Variants in DCBLD1 observed in about 807,000 individuals in gnomAD.
DCBLD1 encodes discoidin, CUB and LCCL domain-containing protein 1.
Under a neutral mutation model 71.5 loss-of-function variants are expected in DCBLD1, and 57 were observed. That is an observed-to-expected ratio of 0.80 (90% CI 0.64 to 0.99). The LOEUF is 0.99. Ranked by LOEUF, DCBLD1 falls within the 50% of genes least tolerant of loss-of-function variation. DCBLD1 has a pLI of 0.00. For synonymous variants in DCBLD1, 380 were observed against 363.8 expected (o/e 1.04, Z -0.51); for missense variants, 891 against 923.5 (o/e 0.96, Z 0.46).
At chr6:117,493,019 G>A (rs972288106) in intron 1 of DCBLD1, among the ~76,000 whole-genome samples, 1 of 152,122 alleles carries the variant, frequency 6.6e-6, no homozygotes, top group African/African-American at 2.4e-5. Context: ...GCCTGTCCTA[G>A]ACTTATAAAT....
chr6:117,534,076 C>T (rs1778809511), intron 6 of DCBLD1, among the ~76,000 whole-genome samples: 1 of 152,208 alleles, frequency 6.6e-6, no homozygotes, highest in Non-Finnish European at 1.5e-5. Flanking sequence ...CTCCCATTTA[C>T]TTTCCCCTTC....
At chr6:117,563,240 G>A (rs369960082) in intron 14 of DCBLD1, 4 of 1,609,124 alleles carry the variant, frequency 2.5e-6, no homozygotes, top group African/African-American at 2.7e-5. Flanking sequence ...ATCTTGTCTG[G>A]AGATATGGTC....
chr6:117,569,454 A>C lies in DCBLD1; in HGVS notation c.1616-166A>C, dbSNP rs958052461. On this transcript the variant is annotated intron_variant, in intron 14 of 14. Coordinates refer to the DCBLD1 transcript ENST00000296955. The stretch of plus-strand genomic sequence containing the variant: ...GCTATAAAAGCATTAAATCAAAGGA[A>C]ACAAGAACTATGTGTAAACACTTTA... The C allele has an allele frequency of 3.7e-6, 5 of 1,338,306 alleles. No homozygotes were observed. The African/African-American group carries it at 6.2e-5, about 17-fold the overall frequency. The allele number at this position is 1,338,306 out of a possible 1,614,324, so 82.9% of individuals were successfully genotyped here.
chr6:117,547,887 C>T lies in DCBLD1; in HGVS notation c.1616-20C>T, dbSNP rs1050952824. ...CCCGTGTGTGGTGCCCGCTAGCTGC[C>T]ATCTGTCTTGTGGTTTCAGATTACC... On this transcript the variant is annotated intron_variant, in intron 14 of 14. Transcript: ENST00000338728. 9 of 1,550,296 alleles carry T rather than the reference C, an allele frequency of 5.8e-6. No homozygotes were observed. The highest frequency in any genetic ancestry group is 7.0e-6 in the Non-Finnish European group (8 of 1,146,884).
rs1302876088 is a variant in DCBLD1, at chr6:117,536,691, A to T, written c.720-494A>T. ...CTGTCCCCAGAGTAACACTGCTGAA[A>T]CATCCTCAGTGAGAGTCACGAGATC... On this transcript the variant is annotated intron_variant, in intron 6 of 14. Coordinates refer to ENST00000338728, the MANE Select transcript of DCBLD1 (RefSeq NM_001366458.2). 2.0e-5 allele frequency among the ~76,000 whole-genome samples: 3 copies of T among 152,328 alleles called. No individual in the cohort carries two copies. In the East Asian group the frequency reaches 5.8e-4, roughly 29 times the overall value.
chr6:117,509,379 C>T (rs778200918), intron 2 of DCBLD1, among the ~76,000 whole-genome samples: 8 of 152,146 alleles, frequency 5.3e-5, no homozygotes, highest in Non-Finnish European at 1.2e-4. Context: ...CTACAGTGAG[C>T]CATGTCGTGC....
rs746283845 is a variant in DCBLD1, at chr6:117,540,883, C to G, written c.1250-35C>G. The G allele has an allele frequency of 3.1e-6, 5 of 1,614,076 alleles. No homozygotes were observed. The Admixed American group carries it at 8.3e-5, about 27-fold the overall frequency. ...TATTTTTTTTCGCCTATCATTGTTA[C>G]TCATGTGGTTTTCCCGACATCCCTC... is the stretch of plus-strand genomic sequence containing the variant. On this transcript the variant is annotated intron_variant, in intron 10 of 14. Coordinates refer to ENST00000338728, the MANE Select transcript of DCBLD1 (RefSeq NM_001366458.2).
rs75093843 is a variant in DCBLD1, at chr6:117,510,232, C to T, written c.325+6253C>T. Among the ~76,000 whole-genome samples the T allele has an allele frequency of 2.2e-3, 329 of 152,218 alleles. 6 individuals are homozygous for T. The East Asian group carries it at 0.041, about 19-fold the overall frequency. On this transcript the variant is annotated intron_variant, in intron 2 of 14. Transcript: ENST00000338728. ...CATGCCATTTCCCAAATGCATCATA[C>T]GGTTTCATGGCCTAGTACATTTTTA...
At chr6:117,535,745 CA>C (rs1207527463) in intron 6 of DCBLD1, among the ~76,000 whole-genome samples, 2 of 152,094 alleles carry the variant, frequency 1.3e-5, no homozygotes, top group African/African-American at 4.8e-5. Context: ...AGCCACATTT[CA>C]AATGTAACAG....
chr6:117,543,457 C>G (rs1016192357), intron 12 of DCBLD1, among the ~76,000 whole-genome samples: 1 of 152,108 alleles, frequency 6.6e-6, no homozygotes, highest in African/African-American at 2.4e-5. Flanking sequence ...TGAGATTGCT[C>G]AAACTCCTGG....
At chr6:117,551,268 T>C (rs1011556953), downstream of DCBLD1, among the ~76,000 whole-genome samples, 7 of 152,112 alleles carry the variant, frequency 4.6e-5, no homozygotes, top group African/African-American at 1.7e-4. Context: ...GATCAGCCCT[T>C]TTTTTTGGTT....
intron 14 of DCBLD1, chr6:117,563,068 A>G: frequency 1.8e-6 from 1 of 559,402 alleles, no homozygotes; most frequent in South Asian, 2.3e-5. Context: ...ATAGCTAATT[A>G]TGGTCTACCA....
rs1055466025 is a variant in DCBLD1 at position 117,549,614 on chromosome 6, A to C, written c.*1175A>C. 43 of 985,370 alleles carry C rather than the reference A, an allele frequency of 4.4e-5. No homozygotes were observed. Among genetic ancestry groups the C allele is most frequent in the Non-Finnish European group, 5.1e-5 (42 of 829,926 alleles). 61.0% of individuals were successfully genotyped at this position (985,370 alleles called of 1,614,324 possible). On this transcript the variant is annotated 3_prime_UTR_variant, in exon 15 of 15. Coordinates refer to ENST00000338728, the MANE Select transcript of DCBLD1 (RefSeq NM_001366458.2). Reference sequence around the variant, plus strand: ...GACCAAAAATTTTTTTCCCTGAAGAATGTATTATAACCCTATTTGTGTGGT... The same window carrying C: ...GACCAAAAATTTTTTTCCCTGAAGACTGTATTATAACCCTATTTGTGTGGT...
chr6:117,566,899 C>G (rs768920031), intron 14 of DCBLD1: 1 of 1,603,684 alleles, frequency 6.2e-7, no homozygotes, highest in African/African-American at 1.3e-5. Context: ...CAACTAGCAC[C>G]AGGGTTACCA....
At chr6:117,522,418 C>T (rs1322347783) in intron 4 of DCBLD1, among the ~76,000 whole-genome samples, 7 of 151,926 alleles carry the variant, frequency 4.6e-5, no homozygotes, top group Non-Finnish European at 1.0e-4. Flanking sequence ...TTGTCAACAA[C>T]ACTAACAAAA....
At chr6:117,555,630 T>C (rs1562131301) in intron 14 of DCBLD1, among the ~76,000 whole-genome samples, 1 of 152,222 alleles carries the variant, frequency 6.6e-6, no homozygotes, top group Non-Finnish European at 1.5e-5. Context: ...GTCTTGACGA[T>C]CTAGAATTCT....
chr6:117,556,860 T>G (rs746433523), intron 14 of DCBLD1, among the ~76,000 whole-genome samples: 1 of 152,228 alleles, frequency 6.6e-6, no homozygotes, highest in Non-Finnish European at 1.5e-5. Context: ...GTGCTCCCTT[T>G]ACTCTGTAGC....
At chr6:117,483,326 G>T (rs1436854904) in intron 1 of DCBLD1, among the ~76,000 whole-genome samples, 1 of 152,196 alleles carries the variant, frequency 6.6e-6, no homozygotes, top group Non-Finnish European at 1.5e-5. Flanking sequence ...CTCCTCGGCC[G>T]GCGCTGGGCC....
intron 1 of DCBLD1, among the ~76,000 whole-genome samples, chr6:117,496,701 G>A (rs1195548016): frequency 6.6e-6 from 1 of 151,652 alleles, no homozygotes; most frequent in Non-Finnish European, 1.5e-5. Flanking sequence ...TTTAGAAATG[G>A]TTTTACTTTT....
Sources: allele counts gnomAD v4.1 joint callset (sites outside exome capture counted in the v4.1 genomes callset), GRCh38; gene constraint gnomAD v4.1.1; transcripts MANE v1.5; gene names NCBI Gene and HGNC (gene_info 2026-07-23, HGNC 2026-07-21).